The following DGKB variants were observed in gnomAD, a reference collection of about 807,000 sequenced individuals.
DGKB encodes the protein 90 kDa diacylglycerol kinase.
In DGKB, 67 loss-of-function variants were observed where a neutral mutation model predicts 114.3. The ratio of observed to expected loss-of-function variants is 0.59; its 90% CI spans 0.48 to 0.72. The LOEUF (loss-of-function observed/expected upper bound fraction) is 0.72, where lower values mean the gene tolerates loss of function less well. DGKB is among the 30% of genes least tolerant of loss of function. DGKB has a pLI of 0.00. For synonymous variants in DGKB, 398 were observed against 323.1 expected (o/e 1.23, Z -2.49); for missense variants, 907 against 975.2 (o/e 0.93, Z 0.93).
rs576312608 is a variant in DGKB, at chr7:14,838,582, A to G, written c.70+2612T>C. On this transcript the variant is annotated intron_variant, in intron 2 of 25. Transcript: ENST00000402815. ...AGTTGTTGTATTTTATTATTTTCCA[A>G]GATATCCTCTGTTAATTTCAATATT... 9.2e-5 allele frequency among the ~76,000 whole-genome samples: 14 copies of G among 152,072 alleles called. No homozygotes were observed. The South Asian group carries it at 2.9e-3, about 32-fold the overall frequency.
intron 23 of DGKB, among the ~76,000 whole-genome samples, chr7:14,315,563 A>C (rs1211240730): frequency 6.6e-6 from 1 of 151,022 alleles, no homozygotes; most frequent in African/African-American, 2.5e-5. Context: ...TAAAGGGATC[A>C]ATTCAACAAG....
chr7:14,613,995 T>C (rs1441746213), intron 15 of DGKB, among the ~76,000 whole-genome samples: 1 of 152,130 alleles, frequency 6.6e-6, no homozygotes, highest in Non-Finnish European at 1.5e-5. Context: ...GGTTGCTAGT[T>C]AATCAAGTAT....
rs146832065 is a variant in DGKB at position 14,412,766 on chromosome 7, G to T, written c.1835+65395C>A. ...AGAAGCTGAGGGAAGTGGATCACCT[G>T]AGGTCAGGAGTTCGAGACCAGCCTG... is the stretch of plus-strand genomic sequence containing the variant. On this transcript the variant is annotated intron_variant, in intron 21 of 25. Transcript: ENST00000402815. Among the ~76,000 whole-genome samples, 192 of 152,200 alleles carry T rather than the reference G, an allele frequency of 1.3e-3. 1 individual carries two copies. Among genetic ancestry groups the T allele is most frequent in the African/African-American group, 4.5e-3 (185 of 41,522 alleles).
At chr7:14,163,888 G>A (rs1279260844) in intron 25 of DGKB, among the ~76,000 whole-genome samples, 3 of 151,942 alleles carry the variant, frequency 2.0e-5, no homozygotes, top group South Asian at 2.1e-4. Flanking sequence ...TCAGCTACCC[G>A]GGAGGCTGAG....
intron 1 of DGKB, among the ~76,000 whole-genome samples, chr7:14,875,976 A>G (rs1200972319): frequency 6.6e-5 from 10 of 152,186 alleles, no homozygotes; most frequent in Non-Finnish European, 1.5e-4. Flanking sequence ...ACGGTTGAGC[A>G]TTATTCAGGT....
intron 5 of DGKB, among the ~76,000 whole-genome samples, chr7:14,734,476 T>C (rs1472349543): frequency 1.3e-5 from 2 of 152,140 alleles, no homozygotes; most frequent in Non-Finnish European, 2.9e-5. Context: ...ATTAAGATAT[T>C]ATTTGCTTTT....
chr7:14,696,834 G>A (rs889369862), intron 8 of DGKB, among the ~76,000 whole-genome samples: 1 of 152,148 alleles, frequency 6.6e-6, no homozygotes, highest in Non-Finnish European at 1.5e-5. Flanking sequence ...CCCAATAGCT[G>A]CTTTAAAACT....
rs148564026 is a variant in DGKB at position 14,459,284 on chromosome 7, A to C, written c.1835+18877T>G. 2.1e-3 allele frequency among the ~76,000 whole-genome samples: 318 copies of C among 152,236 alleles called. 5 individuals are homozygous for C. The East Asian group carries it at 0.03, about 14-fold the overall frequency. On this transcript the variant is annotated intron_variant, in intron 21 of 25. Coordinates refer to ENST00000402815, the MANE Select transcript of DGKB (RefSeq NM_001350709.2). Reference sequence around the variant, plus strand: ...GGTAGCTGTGGGTGCAGCTTCAGCAACTTAAACCTTCCTGCTTGCTGGCTC... The same window carrying C: ...GGTAGCTGTGGGTGCAGCTTCAGCACCTTAAACCTTCCTGCTTGCTGGCTC...
At chr7:14,239,687 T>C (rs1793357933) in intron 23 of DGKB, among the ~76,000 whole-genome samples, 1 of 152,112 alleles carries the variant, frequency 6.6e-6, no homozygotes, top group African/African-American at 2.4e-5. Flanking sequence ...GAATCTACAC[T>C]AACTTGATAC....
intron 20 of DGKB, among the ~76,000 whole-genome samples, chr7:14,522,693 T>C (rs1219495237): frequency 1.3e-5 from 2 of 152,174 alleles, no homozygotes; most frequent in Admixed American, 1.3e-4. Flanking sequence ...AAACACTTAG[T>C]TGGTTTTATG....
At chr7:14,217,175 G>A (rs891106629) in intron 23 of DGKB, among the ~76,000 whole-genome samples, 1 of 152,096 alleles carries the variant, frequency 6.6e-6, no homozygotes. Flanking sequence ...TAAAGCAGAT[G>A]CCTAAGTATT....
At chr7:14,864,636 A>C (rs560533346) in intron 1 of DGKB, among the ~76,000 whole-genome samples, 45 of 152,296 alleles carry the variant, frequency 3.0e-4, no homozygotes, top group Admixed American at 2.2e-3. Context: ...TTTTGCAGAA[A>C]ATAGGATATC....
intron 2 of DGKB, among the ~76,000 whole-genome samples, chr7:14,788,610 ACTCAGAAC>A: frequency 6.6e-6 from 1 of 152,186 alleles, no homozygotes; most frequent in South Asian, 2.1e-4. Context: ...AGCCCATATC[ACTCAGAAC>A]CTGCAGAAAT....
chr7:14,969,571 AG>A (rs559244507), intron 1 of DGKB, among the ~76,000 whole-genome samples: 28 of 152,272 alleles, frequency 1.8e-4, no homozygotes, highest in African/African-American at 6.5e-4. Context: ...GATCAGCAGC[AG>A]CATTAGATTC....
At chr7:14,385,223 G>A (rs1262903636) in intron 21 of DGKB, among the ~76,000 whole-genome samples, 2 of 151,972 alleles carry the variant, frequency 1.3e-5, no homozygotes, top group Non-Finnish European at 2.9e-5. Flanking sequence ...TTTGTTCTGA[G>A]GGAGAAAAAT....
chr7:14,696,179 T>A (rs904613925), intron 8 of DGKB, among the ~76,000 whole-genome samples: 1 of 151,922 alleles, frequency 6.6e-6, no homozygotes, highest in African/African-American at 2.4e-5. Context: ...TGTTGAGAAG[T>A]GTTAGTGCCC....
chr7:14,906,384 A>G (rs950369298), upstream of DGKB, among the ~76,000 whole-genome samples: 3 of 151,866 alleles, frequency 2.0e-5, no homozygotes, highest in African/African-American at 7.2e-5. Flanking sequence ...GACAGCACTT[A>G]AACTGTGAAG....
At chr7:14,908,031 C>T (rs967065203), upstream of DGKB, among the ~76,000 whole-genome samples, 1 of 152,156 alleles carries the variant, frequency 6.6e-6, no homozygotes, top group Non-Finnish European at 1.5e-5. Context: ...AATTAGCAGA[C>T]TGTAATATAG....
At chr7:14,270,207 T>G (rs555172654) in intron 23 of DGKB, among the ~76,000 whole-genome samples, 8 of 152,284 alleles carry the variant, frequency 5.3e-5, no homozygotes, top group South Asian at 4.2e-4. Flanking sequence ...TCAGTTTCTC[T>G]CTCATAGGCT....
Sources: allele counts gnomAD v4.1 joint callset (sites outside exome capture counted in the v4.1 genomes callset), GRCh38; gene constraint gnomAD v4.1.1; transcripts MANE v1.5; gene names NCBI Gene and HGNC (gene_info 2026-07-23, HGNC 2026-07-21).